TUSC3: variants seen among roughly 807,000 people sequenced by gnomAD.
The protein encoded by TUSC3 is dolichyl-diphosphooligosaccharide--protein glycosyltransferase subunit TUSC3.
A neutral mutation model predicts 44.8 loss-of-function variants in TUSC3; 45 were observed. That is an observed-to-expected ratio of 1.00 (90% confidence interval 0.79 to 1.29). The LOEUF (loss-of-function observed/expected upper bound fraction) is 1.29. Ranked by LOEUF, TUSC3 falls within the 50% of genes most tolerant of loss-of-function variation. TUSC3 has a pLI of 0.00. For synonymous variants in TUSC3, 212 were observed against 152.9 expected (o/e 1.39, Z -2.85); for missense variants, 519 against 437.9 (o/e 1.19, Z -1.65).
At chr8:15,794,755 A>C in the TUSC3 span, among the ~76,000 whole-genome samples, 4 of 152,128 alleles carry the variant, frequency 2.6e-5, no homozygotes, top group Admixed American at 1.3e-4. Context: ...AATTGATAGT[A>C]AGCACATTTG....
chr8:15,731,742 G>C (rs1810732360), intron 7 of TUSC3, among the ~76,000 whole-genome samples: 1 of 152,066 alleles, frequency 6.6e-6, no homozygotes, highest in Non-Finnish European at 1.5e-5. Context: ...TAATCTGGAG[G>C]AAAAATACTA....
At chr8:15,509,998 C>A (rs1050486143) in intron 2 of TUSC3, among the ~76,000 whole-genome samples, 2 of 152,000 alleles carry the variant, frequency 1.3e-5, no homozygotes, top group African/African-American at 4.8e-5. Flanking sequence ...AGCAAGACCT[C>A]ATCTCTACAA....
At position 15,732,355 on chromosome 8, in the gene TUSC3, T is replaced by C. The variant is rs1810757106; in HGVS notation, c.862+1626T>C. On this transcript the variant is annotated intron_variant, in intron 7 of 10. Transcript: ENST00000503731. ...TAAGTCTCATGAGATCTGATGGTAT[T>C]ATAAAGGGGCATTCCCCTGCACATG... Among the ~76,000 whole-genome samples the C allele has an allele frequency of 2.0e-5, 3 of 152,148 alleles. No homozygotes were observed. In the South Asian group the frequency reaches 6.2e-4, roughly 32 times the overall value.
At chr8:15,509,769 A>G (rs62502472) in intron 2 of TUSC3, among the ~76,000 whole-genome samples, 31,918 of 152,186 alleles carry the variant, frequency 0.21, 3,907 homozygotes, top group East Asian at 0.5. Flanking sequence ...ATCCCTATCC[A>G]TTAACTGGCC....
chr8:15,830,122 C>T, the TUSC3 span, among the ~76,000 whole-genome samples: 2 of 151,494 alleles, frequency 1.3e-5, no homozygotes, highest in Non-Finnish European at 2.9e-5. Context: ...ATGTCCTCTG[C>T]CCACTTTGTA....
chr8:15,595,503 T>C (rs985940612), intron 1 of TUSC3, among the ~76,000 whole-genome samples: 6 of 152,184 alleles, frequency 3.9e-5, no homozygotes, highest in Admixed American at 3.9e-4. Context: ...CCCTGTCTCT[T>C]AGGCATCAGC....
At chr8:15,730,587 G>C in intron 6 of TUSC3, 79 bp from the exon 7 acceptor site, 1 of 1,388,656 alleles carries the variant, frequency 7.2e-7, no homozygotes, top group Non-Finnish European at 1.0e-6. Flanking sequence ...TTTTTCCATT[G>C]TTTATCTTCA....
At chr8:15,490,197 T>C (rs1800788689) in intron 2 of TUSC3, among the ~76,000 whole-genome samples, 1 of 152,106 alleles carries the variant, frequency 6.6e-6, no homozygotes, top group Non-Finnish European at 1.5e-5. Flanking sequence ...TCCTAAACAT[T>C]AGGACCAATC....
chr8:15,761,030 C>G (rs1018233081), intron 10 of TUSC3, among the ~76,000 whole-genome samples: 4 of 152,168 alleles, frequency 2.6e-5, no homozygotes, highest in African/African-American at 9.7e-5. Flanking sequence ...GACTTTCAGT[C>G]ATTTCATTTT....
At chr8:15,771,818 G>C in the TUSC3 span, among the ~76,000 whole-genome samples, 1 of 152,140 alleles carries the variant, frequency 6.6e-6, no homozygotes, top group Non-Finnish European at 1.5e-5. Flanking sequence ...GCCGGGCACG[G>C]TGGCTCACGC....
chr8:15,774,230 A>G, the TUSC3 span, among the ~76,000 whole-genome samples: 1 of 134,186 alleles, frequency 7.5e-6, no homozygotes, highest in Non-Finnish European at 1.7e-5. Flanking sequence ...TAAGCGTCAA[A>G]TTTTGTCTCC....
chr8:15,794,847 A>C, the TUSC3 span, among the ~76,000 whole-genome samples: 1 of 152,178 alleles, frequency 6.6e-6, no homozygotes, highest in South Asian at 2.1e-4. Context: ...GAGACGAACT[A>C]TCTTCCATGG....
At chr8:15,520,562 T>A (rs559456498) in intron 2 of TUSC3, among the ~76,000 whole-genome samples, 1 of 152,226 alleles carries the variant, frequency 6.6e-6, no homozygotes, top group South Asian at 2.1e-4. Flanking sequence ...TTCCTGCCTC[T>A]GTGTTGTATT....
intron 5 of TUSC3, among the ~76,000 whole-genome samples, chr8:15,668,298 A>T (rs1465828083): frequency 1.3e-5 from 2 of 151,642 alleles, no homozygotes; most frequent in Non-Finnish European, 1.5e-5. Context: ...TGGGACTAGT[A>T]CATTTTTTTT....
At chr8:15,559,127 C>T (rs1344261288) in intron 1 of TUSC3, among the ~76,000 whole-genome samples, 2 of 144,472 alleles carry the variant, frequency 1.4e-5, no homozygotes, top group Non-Finnish European at 3.1e-5. Flanking sequence ...CCTGCTTTCT[C>T]TTGTGGGCAT....
intron 9 of TUSC3, among the ~76,000 whole-genome samples, chr8:15,751,667 A>C (rs1418699406): frequency 1.5e-5 from 2 of 134,900 alleles, no homozygotes; most frequent in African/African-American, 2.5e-5. Flanking sequence ...CATCCAAAAG[A>C]AGCCAAATAC....
chr8:15,771,716 T>C, the TUSC3 span, among the ~76,000 whole-genome samples: 1 of 151,962 alleles, frequency 6.6e-6, no homozygotes, highest in Non-Finnish European at 1.5e-5. Context: ...AAAACAAAAA[T>C]TCTACATACC....
At chr8:15,620,691 A>G (rs1340228445) in intron 1 of TUSC3, among the ~76,000 whole-genome samples, 4 of 152,140 alleles carry the variant, frequency 2.6e-5, no homozygotes, top group Non-Finnish European at 1.5e-5. Flanking sequence ...AATAAGAACT[A>G]TTCCTCTGTG....
In TUSC3 at chr8:15,572,006, T is replaced by G. The variant is rs61311311; in HGVS notation, c.138+31438T>G. Among the ~76,000 whole-genome samples the G allele has an allele frequency of 3.3e-3, 497 of 152,302 alleles. 7 individuals carry two copies. The East Asian group carries it at 0.035, about 11-fold the overall frequency. On this transcript the variant is annotated intron_variant, in intron 1 of 10. Transcript: ENST00000503731. ...CACAATAGATTTAGCTTAATTGCGC[T>G]GGACCTTAGGCTTTTCGGAATGGTA...
Sources: gnomAD v4.1 joint callset for allele counts (sites outside exome capture counted in the v4.1 genomes callset) on GRCh38, gnomAD v4.1.1 for gene constraint, MANE v1.5 for transcripts, NCBI Gene and HGNC (gene_info 2026-07-23, HGNC 2026-07-21) for gene names.